Variants in CPNE8 observed in about 807,000 individuals in gnomAD.
The protein encoded by CPNE8 is copine 8.
Under a neutral mutation model 81.5 loss-of-function variants are expected in CPNE8, and 45 were observed. The ratio of observed to expected loss-of-function variants is 0.55; its 90% confidence interval spans 0.44 to 0.71. The LOEUF is 0.71. Among genes scored for constraint, CPNE8 ranks in the 30% least tolerant of loss-of-function variants. The pLI, the probability that CPNE8 is intolerant of heterozygous loss-of-function variation, is 0.00. For missense variants in CPNE8, 594 were observed against 672.1 expected, an observed-to-expected ratio of 0.88 and a Z score of 1.28; for synonymous variants, 252 against 226.3, an observed-to-expected ratio of 1.11 and a Z score of -1.02.
At chr12:38,884,610 C>T (rs1944212482) in intron 1 of CPNE8, among the ~76,000 whole-genome samples, 1 of 152,158 alleles carries the variant, frequency 6.6e-6, no homozygotes, top group Admixed American at 6.5e-5. Flanking sequence ...AACTGCCAAA[C>T]TATTTTCCAA....
At chr12:38,657,281 C>A (rs926752113) in intron 19 of CPNE8, among the ~76,000 whole-genome samples, 5 of 152,168 alleles carry the variant, frequency 3.3e-5, no homozygotes, top group Admixed American at 2.0e-4. Context: ...ATAGCCAGTG[C>A]AGCAGTCTGA....
At chr12:38,837,624 G>A (rs1943405832) in intron 5 of CPNE8, among the ~76,000 whole-genome samples, 1 of 152,076 alleles carries the variant, frequency 6.6e-6, no homozygotes, top group Non-Finnish European at 1.5e-5. Context: ...GGGTAAACAG[G>A]GAGGCTGGAG....
chr12:38,801,322 T>C (rs1238405670), intron 6 of CPNE8, among the ~76,000 whole-genome samples: 27 of 26,140 alleles, frequency 1.0e-3, no homozygotes, highest in Non-Finnish European at 1.9e-3. Flanking sequence ...GCAGAAACCC[T>C]ACAAGCCAGA....
intron 6 of CPNE8, among the ~76,000 whole-genome samples, chr12:38,794,406 C>T (rs10876086): frequency 6.6e-6 from 1 of 151,704 alleles, no homozygotes; most frequent in Non-Finnish European, 1.5e-5. Context: ...ATACAAATTG[C>T]CAAATAAGTA....
chr12:38,811,054 A>T (rs573781305), intron 6 of CPNE8, among the ~76,000 whole-genome samples: 76 of 152,246 alleles, frequency 5.0e-4, no homozygotes, highest in Middle Eastern at 6.8e-3. Context: ...CTATACCTGT[A>T]AACTTCCTCC....
intron 7 of CPNE8, among the ~76,000 whole-genome samples, chr12:38,772,554 A>G (rs779023839): frequency 2.4e-4 from 37 of 152,354 alleles, no homozygotes; most frequent in Middle Eastern, 3.4e-3. Context: ...ATGCAAATCC[A>G]TACAAAAGAT....
chr12:38,658,656 C>T (rs1049920193), intron 19 of CPNE8, among the ~76,000 whole-genome samples: 30 of 152,126 alleles, frequency 2.0e-4, no homozygotes, highest in Admixed American at 1.5e-3. Context: ...AGAGAAAGGT[C>T]GGGTTACCCA....
chr12:38,698,199 A>T (rs780501970), intron 14 of CPNE8, among the ~76,000 whole-genome samples: 12 of 152,218 alleles, frequency 7.9e-5, no homozygotes, highest in Non-Finnish European at 1.6e-4. Flanking sequence ...GGCCACTTGT[A>T]TATCCTTCTT....
chr12:38,791,080 T>A (rs1047969440), intron 6 of CPNE8, among the ~76,000 whole-genome samples: 1 of 151,736 alleles, frequency 6.6e-6, no homozygotes, highest in Non-Finnish European at 1.5e-5. Flanking sequence ...CTATGTACAC[T>A]TTCATCTTCC....
chr12:38,705,391 AT>A (rs544235526), intron 13 of CPNE8, among the ~76,000 whole-genome samples: 2 of 151,994 alleles, frequency 1.3e-5, no homozygotes, highest in Non-Finnish European at 2.9e-5. Flanking sequence ...AAATTCACAC[AT>A]TTTTTTTCCT....
intron 3 of CPNE8, among the ~76,000 whole-genome samples, chr12:38,860,840 G>A (rs546045796): frequency 2.0e-5 from 3 of 152,296 alleles, no homozygotes; most frequent in Admixed American, 2.0e-4. Flanking sequence ...GTCCGGGGTT[G>A]AAGGGAGGGA....
At chr12:38,864,175 C>A (rs1426565873) in intron 3 of CPNE8, among the ~76,000 whole-genome samples, 2 of 151,988 alleles carry the variant, frequency 1.3e-5, no homozygotes, top group African/African-American at 4.8e-5. Flanking sequence ...CAGACAGATT[C>A]TAAAATTTCT....
intron 17 of CPNE8, among the ~76,000 whole-genome samples, chr12:38,676,685 T>C (rs887802773): frequency 5.3e-5 from 8 of 152,310 alleles, no homozygotes; most frequent in South Asian, 2.1e-4. Flanking sequence ...TCACATATCA[T>C]CACTTAAATA....
At chr12:38,802,869 C>A (rs1375753590) in intron 6 of CPNE8, among the ~76,000 whole-genome samples, 2 of 147,452 alleles carry the variant, frequency 1.4e-5, no homozygotes, top group Non-Finnish European at 3.0e-5. Flanking sequence ...TCAGAGAATA[C>A]TACAAACACC....
chr12:38,697,831 C>T (rs1345522210), intron 14 of CPNE8, among the ~76,000 whole-genome samples: 1 of 152,172 alleles, frequency 6.6e-6, no homozygotes, highest in African/African-American at 2.4e-5. Flanking sequence ...TTGCTCCCAA[C>T]ATGTAATATG....
At chr12:38,892,694 AC>A (rs1461137001) in intron 1 of CPNE8, among the ~76,000 whole-genome samples, 1 of 152,232 alleles carries the variant, frequency 6.6e-6, no homozygotes, top group Non-Finnish European at 1.5e-5. Context: ...CTCAGTGACA[AC>A]TGATCAGAGG....
At chr12:38,889,373 T>A (rs1195884219) in intron 1 of CPNE8, among the ~76,000 whole-genome samples, 7 of 152,154 alleles carry the variant, frequency 4.6e-5, no homozygotes, top group Non-Finnish European at 8.8e-5. Context: ...TCAGGTGAGA[T>A]AACAACGTGA....
chr12:38,857,272 A>G (rs1211017573), intron 3 of CPNE8, among the ~76,000 whole-genome samples: 1 of 152,170 alleles, frequency 6.6e-6, no homozygotes, highest in African/African-American at 2.4e-5. Flanking sequence ...TACAACTCTA[A>G]TAATTCATAT....
chr12:38,832,049 A>C (rs1943296666), intron 5 of CPNE8, among the ~76,000 whole-genome samples: 1 of 152,214 alleles, frequency 6.6e-6, no homozygotes, highest in African/African-American at 2.4e-5. Context: ...ATCTTGGCTG[A>C]ACAAAATCAA....
Sources: allele counts gnomAD v4.1 joint callset (sites outside exome capture counted in the v4.1 genomes callset), GRCh38; gene constraint gnomAD v4.1.1; transcripts MANE v1.5; gene names NCBI Gene and HGNC (gene_info 2026-07-23, HGNC 2026-07-21).